The following GLRA2 variants were observed in gnomAD, a reference collection of about 807,000 sequenced individuals.
GLRA2 encodes the protein glycine receptor subunit alpha-2.
A neutral mutation model predicts 31.6 loss-of-function variants in GLRA2; 11 were observed. That is an observed-to-expected ratio of 0.35 (90% CI 0.22 to 0.58). The LOEUF is 0.58. GLRA2 is among the 20% of genes least tolerant of loss of function. The pLI, the probability that GLRA2 is intolerant of heterozygous loss-of-function variation, is 0.84. For missense variants in GLRA2, 212 were observed against 351.8 expected (o/e 0.60, Z 3.18); for synonymous variants, 132 against 134.0 (o/e 0.99, Z 0.10).
chrX:14,650,899 G>A (rs1327565479), intron 7 of GLRA2, among the ~76,000 whole-genome samples: 2 of 112,275 alleles, frequency 1.8e-5, no homozygotes. Context: ...TCTGGAATAA[G>A]TGAATGGAGG....
At chrX:14,644,692 G>A (rs765401626) in intron 7 of GLRA2, among the ~76,000 whole-genome samples, 1 of 111,503 alleles carries the variant, frequency 9.0e-6, no homozygotes, top group Non-Finnish European at 1.9e-5. Flanking sequence ...AAATTAACAT[G>A]CTTTTAATAA....
chrX:14,599,075 T>C lies in GLRA2; in HGVS notation c.495-5240T>C, dbSNP rs2090239437. Among the ~76,000 whole-genome samples the C allele has an allele frequency of 3.6e-5, 4 of 111,807 alleles. No individual in the cohort carries two copies. The Admixed American group carries it at 3.8e-4, about 11-fold the overall frequency. On this transcript the variant is annotated intron_variant, in intron 4 of 8. Transcript: ENST00000218075. ...GGGAGACGGACTTTCTTTGCTTTGT[T>C]CTATTCTTTGCCTTTAAAATAGGAA...
intron 8 of GLRA2, among the ~76,000 whole-genome samples, chrX:14,717,787 A>G (rs1181544854): frequency 9.1e-6 from 1 of 110,305 alleles, no homozygotes; most frequent in Admixed American, 9.7e-5. Context: ...GGATTTATCA[A>G]GAATTTTTTG....
intron 8 of GLRA2, among the ~76,000 whole-genome samples, chrX:14,724,028 C>T (rs916985775): frequency 2.7e-4 from 30 of 111,897 alleles, no homozygotes; most frequent in Non-Finnish European, 5.1e-4. Flanking sequence ...AAGCCTTTTC[C>T]AACCACTCAA....
At chrX:14,692,890 C>T (rs903652057) in intron 8 of GLRA2, among the ~76,000 whole-genome samples, 1 of 111,126 alleles carries the variant, frequency 9.0e-6, no homozygotes, top group African/African-American at 3.3e-5. Context: ...ATATTAAAGA[C>T]TAATTTTTAA....
At chrX:14,641,055 A>T (rs747569831) in intron 7 of GLRA2, among the ~76,000 whole-genome samples, 1 of 111,230 alleles carries the variant, frequency 9.0e-6, no homozygotes, top group African/African-American at 3.3e-5. Context: ...ACTTTTTTCA[A>T]TGTAGCCATT....
In GLRA2 at chrX:14,724,626, C is replaced by CAAA. The variant is rs758722703; in HGVS notation, c.1081-5557_1081-5555dup. 4.0e-5 allele frequency among the ~76,000 whole-genome samples: 2 copies of CAAA among 49,581 alleles called. 1 individual carries two copies. The highest frequency in any genetic ancestry group is 3.8e-3 in the East Asian group (2 of 521). The allele number at this position is 49,581 out of a possible 115,157, so 43.1% of individuals were successfully genotyped here. A position where few individuals can be genotyped will look rare whatever the true frequency, so the allele number is the denominator to read the frequency against. ...GGGTGACAAAAGCAAAACTCTGTCTCAAAAAAAAAAAAAAAAAAAAAAAAA... is the reference window on the plus strand; with the variant it reads ...GGGTGACAAAAGCAAAACTCTGTCTCAAAAAAAAAAAAAAAAAAAAAAAAAAAA... On this transcript the variant is annotated intron_variant, in intron 8 of 8. Coordinates refer to ENST00000218075, the MANE Select transcript of GLRA2 (RefSeq NM_002063.4).
chrX:14,719,887 CATT>C (rs2091842142), intron 8 of GLRA2, among the ~76,000 whole-genome samples: 1 of 111,704 alleles, frequency 9.0e-6, no homozygotes, highest in African/African-American at 3.3e-5. Flanking sequence ...CAAATCCTGT[CATT>C]AATAGTATGG....
chrX:14,612,738 A>G (rs1251487360), intron 7 of GLRA2, among the ~76,000 whole-genome samples: 1 of 105,939 alleles, frequency 9.4e-6, no homozygotes, highest in Non-Finnish European at 1.9e-5. Context: ...AAAACCAAAC[A>G]CTGCATGTTC....
the GLRA2 span, among the ~76,000 whole-genome samples, chrX:14,458,362 T>C: frequency 1.8e-5 from 2 of 111,915 alleles, no homozygotes; most frequent in Admixed American, 9.4e-5. Flanking sequence ...AGCAGCATGA[T>C]TTATAGTCCT....
chrX:14,707,885 A>C lies in GLRA2; in HGVS notation c.1080+17026A>C, dbSNP rs145761943. On this transcript the variant is annotated intron_variant, in intron 8 of 8. Coordinates refer to ENST00000218075, the MANE Select transcript of GLRA2 (RefSeq NM_002063.4). ...TATATTTAAGGTATACGACTTGATG[A>C]TTTGATATATGTATACACTGTGAAA... Among the ~76,000 whole-genome samples, 349 of 110,660 alleles carry C rather than the reference A, an allele frequency of 3.2e-3. 1 individual carries two copies. Among genetic ancestry groups the C allele is most frequent in the African/African-American group, 0.01 (316 of 30,343 alleles).
chrX:14,706,616 C>CCAGATATAATACCAGAATGATA (rs1388788497), intron 8 of GLRA2, among the ~76,000 whole-genome samples: 3 of 111,573 alleles, frequency 2.7e-5, no homozygotes, highest in African/African-American at 9.8e-5. Context: ...CTAGGATTAT[C>CCAGATATAATACCAGAATGATA]ATTCTGGTAT....
chrX:14,483,902 G>A, the GLRA2 span, among the ~76,000 whole-genome samples: 4 of 110,925 alleles, frequency 3.6e-5, no homozygotes, highest in South Asian at 1.1e-3. Context: ...TAAGCAGGCA[G>A]AAAAATGTGA....
chrX:14,574,795 T>G (rs895083175), intron 3 of GLRA2, among the ~76,000 whole-genome samples: 2 of 112,096 alleles, frequency 1.8e-5, no homozygotes, highest in Non-Finnish European at 3.8e-5. Context: ...ATTTGATGTT[T>G]TAATGGTTTT....
rs185499219 is a variant in GLRA2, at chrX:14,664,801, A to G, written c.931-25909A>G. ...TTTCTCCCATTTAGAATTTCTCTTTAAAGAGAAGGCTGGAGGGGAGGGGTC... is the reference window on the plus strand; with the variant it reads ...TTTCTCCCATTTAGAATTTCTCTTTGAAGAGAAGGCTGGAGGGGAGGGGTC... On this transcript the variant is annotated intron_variant, in intron 7 of 8. Transcript: ENST00000218075. 4.3e-3 allele frequency among the ~76,000 whole-genome samples: 485 copies of G among 112,165 alleles called. 6 individuals are homozygous for G. Among genetic ancestry groups the G allele is most frequent in the African/African-American group, 0.015 (464 of 30,907 alleles).
the GLRA2 span, among the ~76,000 whole-genome samples, chrX:14,475,070 T>A: frequency 1.8e-5 from 2 of 112,127 alleles, no homozygotes; most frequent in East Asian, 5.6e-4. Context: ...TCACCCATTA[T>A]GTGTGTATTT....
At chrX:14,697,091 G>GA (rs572262137) in intron 8 of GLRA2, among the ~76,000 whole-genome samples, 3,107 of 103,714 alleles carry the variant, frequency 0.03, 81 homozygotes, top group African/African-American at 0.086. Context: ...ACCATGGTTA[G>GA]AAAAAAAAAA....
chrX:14,540,725 G>C (rs775039680), intron 2 of GLRA2, among the ~76,000 whole-genome samples: 1 of 111,281 alleles, frequency 9.0e-6, no homozygotes, highest in South Asian at 3.8e-4. Flanking sequence ...CAATAGATAA[G>C]TGCTATCCCC....
At chrX:14,661,874 G>C (rs866607492) in intron 7 of GLRA2, among the ~76,000 whole-genome samples, 1 of 64,481 alleles carries the variant, frequency 1.6e-5, no homozygotes, top group Non-Finnish European at 2.8e-5. Flanking sequence ...CTCTGTCTCA[G>C]AAAAAAAAAA....
Sources: gnomAD v4.1 joint callset for allele counts (sites outside exome capture counted in the v4.1 genomes callset) on GRCh38, gnomAD v4.1.1 for gene constraint, MANE v1.5 for transcripts, NCBI Gene and HGNC (gene_info 2026-07-23, HGNC 2026-07-21) for gene names.